BEND7: variants seen among roughly 807,000 people sequenced by gnomAD.
The protein encoded by BEND7 is BEN domain-containing protein 7.
A neutral mutation model predicts 50.9 loss-of-function variants in BEND7; 28 were observed. The observed-to-expected ratio is 0.55, with a 90% CI of 0.41 to 0.75. BEND7 has a LOEUF of 0.75. BEND7 is among the 30% of genes least tolerant of loss of function. The pLI, the probability that BEND7 is intolerant of heterozygous loss-of-function variation, is 0.00. For missense variants in BEND7, 477 were observed against 491.3 expected, an observed-to-expected ratio of 0.97 and a Z score of 0.28; for synonymous variants, 170 against 183.9, an observed-to-expected ratio of 0.92 and a Z score of 0.61.
At chr10:13,457,828 A>T (rs1023514514) in intron 6 of BEND7, among the ~76,000 whole-genome samples, 1 of 152,254 alleles carries the variant, frequency 6.6e-6, no homozygotes, top group African/African-American at 2.4e-5. Context: ...GAGGTATTGC[A>T]TTAATGCACT....
chr10:13,499,822 G>C lies in BEND7; in HGVS notation c.404C>G (p.Ser135Cys), dbSNP rs986827887. The C allele has an allele frequency of 5.0e-6, 8 of 1,613,770 alleles. No individual in the cohort carries two copies. Among genetic ancestry groups the C allele is most frequent in the Non-Finnish European group, 6.8e-6 (8 of 1,179,818 alleles). ...GQFSGQYGTRSRTFQSQPHPT... is the reference protein window; with the variant it reads ...GQFSGQYGTRCRTFQSQPHPT... Reference sequence around the variant, plus strand: ...GTGGGGCTGGCTTTGGAAGGTTCTAGAACGGGTGCCATACTGCCCTGAGAA... The same window carrying C: ...GTGGGGCTGGCTTTGGAAGGTTCTACAACGGGTGCCATACTGCCCTGAGAA... The change falls in exon 3 of 9, where the codon TCT becomes TGT. Residue 135 changes from serine to cysteine, a missense_variant. Transcript: ENST00000466271.
intron 7 of BEND7, among the ~76,000 whole-genome samples, chr10:13,451,767 A>G (rs371093677): frequency 3.4e-5 from 1 of 29,254 alleles, no homozygotes; most frequent in South Asian, 1.6e-3. Context: ...CCCTCCCCCC[A>G]CCCCACAACA....
chr10:13,517,622 G>A (rs530100257), intron 2 of BEND7, among the ~76,000 whole-genome samples: 2 of 152,244 alleles, frequency 1.3e-5, no homozygotes, highest in Non-Finnish European at 2.9e-5. Context: ...GCATGGTGGT[G>A]CATGCCTGAA....
chr10:13,486,071 G>A (rs1015657626), intron 5 of BEND7, among the ~76,000 whole-genome samples: 27 of 152,122 alleles, frequency 1.8e-4, no homozygotes, highest in African/African-American at 6.5e-4. Flanking sequence ...TAGAGACACA[G>A]TCTCACTATG....
At chr10:13,485,666 T>C (rs949988667) in intron 5 of BEND7, among the ~76,000 whole-genome samples, 3 of 152,226 alleles carry the variant, frequency 2.0e-5, no homozygotes, top group Admixed American at 1.3e-4. Context: ...TTTGTTCTTG[T>C]GTTTATTTCG....
chr10:13,496,633 G>C, intron 4 of BEND7, 133 bp downstream of exon 4: 1 of 1,091,098 alleles, frequency 9.2e-7, no homozygotes, highest in Non-Finnish European at 1.3e-6. Flanking sequence ...TGAAAAAACA[G>C]ATACTTGAAA....
intron 5 of BEND7, among the ~76,000 whole-genome samples, chr10:13,489,457 C>T (rs1013971943): frequency 3.3e-5 from 5 of 152,058 alleles, no homozygotes; most frequent in Non-Finnish European, 7.4e-5. Context: ...ACCTGGGTTG[C>T]GGGACACACT....
downstream of BEND7, chr10:13,439,542 C>T: frequency 6.6e-7 from 1 of 1,524,962 alleles, no homozygotes; most frequent in East Asian, 2.3e-5. Flanking sequence ...AATGGAGTAA[C>T]TCACCTGTCT....
intron 8 of BEND7, chr10:13,446,980 T>A (rs550472195): frequency 2.4e-6 from 1 of 411,590 alleles, no homozygotes; most frequent in Non-Finnish European, 4.3e-6. Flanking sequence ...TATTTTGTAA[T>A]GTCCAAAGGT....
intron 5 of BEND7, among the ~76,000 whole-genome samples, chr10:13,486,971 T>C (rs1265864821): frequency 6.6e-6 from 1 of 152,218 alleles, no homozygotes; most frequent in African/African-American, 2.4e-5. Flanking sequence ...TCTGAGAGAC[T>C]ATCCAGGCTC....
intron 6 of BEND7, among the ~76,000 whole-genome samples, chr10:13,464,733 T>A (rs970962248): frequency 6.6e-6 from 1 of 152,226 alleles, no homozygotes; most frequent in African/African-American, 2.4e-5. Flanking sequence ...AGACTACTGT[T>A]AATGGGGACA....
At chr10:13,491,350 G>A (rs2076646702) in intron 5 of BEND7, among the ~76,000 whole-genome samples, 2 of 150,122 alleles carry the variant, frequency 1.3e-5, no homozygotes, top group South Asian at 2.1e-4. Context: ...AAAATTTAAG[G>A]ACTGAATGTA....
downstream of BEND7, among the ~76,000 whole-genome samples, chr10:13,439,959 T>C (rs775602241): frequency 6.6e-6 from 1 of 152,332 alleles, no homozygotes; most frequent in African/African-American, 2.4e-5. Flanking sequence ...CCAGTCGCCC[T>C]AAACACCCAC....
At chr10:13,457,987 G>A (rs1321689781) in intron 6 of BEND7, among the ~76,000 whole-genome samples, 1 of 152,126 alleles carries the variant, frequency 6.6e-6, no homozygotes, top group Non-Finnish European at 1.5e-5. Context: ...TTTTAAACGA[G>A]CCCAGATAAT....
At chr10:13,465,069 G>T (rs1203521782) in intron 6 of BEND7, among the ~76,000 whole-genome samples, 1 of 152,132 alleles carries the variant, frequency 6.6e-6, no homozygotes, top group Non-Finnish European at 1.5e-5. Flanking sequence ...TCAAAGCAAG[G>T]GCAGAGATCA....
intron 7 of BEND7, among the ~76,000 whole-genome samples, chr10:13,450,536 C>G (rs1837443213): frequency 6.6e-6 from 1 of 152,190 alleles, no homozygotes; most frequent in Non-Finnish European, 1.5e-5. Flanking sequence ...TTTGGCAGGT[C>G]ATTGCTGATG....
chr10:13,488,710 A>G (rs2076430628), intron 5 of BEND7, among the ~76,000 whole-genome samples: 1 of 152,154 alleles, frequency 6.6e-6, no homozygotes, highest in East Asian at 1.9e-4. Context: ...GACTGTCTCA[A>G]TCTCCTGACC....
rs550923390 is a variant in BEND7 at position 13,466,115 on chromosome 10, C to T, written c.1064-13457G>A. On this transcript the variant is annotated intron_variant, in intron 6 of 8. Coordinates refer to ENST00000466271, the MANE Select transcript of BEND7 (RefSeq NM_001369863.1). ...AAGAACTTTCCTTTGGTGAGCTGTG[C>T]CATGCCTTTGTTTAACACAGTTGGT... 3.3e-5 allele frequency among the ~76,000 whole-genome samples: 5 copies of T among 152,200 alleles called. No individual in the cohort carries two copies. In the East Asian group the frequency reaches 9.6e-4, roughly 29 times the overall value.
downstream of BEND7, chr10:13,439,543 T>C (rs1835083622): frequency 6.6e-7 from 1 of 1,524,498 alleles, no homozygotes; most frequent in Non-Finnish European, 8.8e-7. Context: ...ATGGAGTAAC[T>C]CACCTGTCTC....
Sources: allele counts gnomAD v4.1 joint callset (sites outside exome capture counted in the v4.1 genomes callset), GRCh38; gene constraint gnomAD v4.1.1; transcripts MANE v1.5; gene names NCBI Gene and HGNC (gene_info 2026-07-23, HGNC 2026-07-21).